The following SNRPA1 variants were observed in gnomAD, a reference collection of about 807,000 sequenced individuals.
SNRPA1 encodes the protein small nuclear ribonucleoprotein polypeptide A'.
In SNRPA1, 5 loss-of-function variants were observed where a neutral mutation model predicts 32.3. The observed-to-expected ratio is 0.15, with a 90% CI of 0.08 to 0.33. The LOEUF is 0.33. SNRPA1 is among the 10% of genes least tolerant of loss of function. SNRPA1 has a pLI of 1.00. For synonymous variants in SNRPA1, 111 were observed against 120.1 expected (o/e 0.92, Z 0.50); for missense variants, 198 against 311.1 (o/e 0.64, Z 2.74).
intron 3 of SNRPA1, among the ~76,000 whole-genome samples, chr15:101,289,425 G>C (rs1405432149): frequency 6.6e-6 from 1 of 152,094 alleles, no homozygotes; most frequent in African/African-American, 2.4e-5. Flanking sequence ...GATTGAAAGA[G>C]AGTAATTTCT....
In SNRPA1 at chr15:101,293,180, A is replaced by G. The variant is rs1236878647; in HGVS notation, c.83-8T>C. The G allele has an allele frequency of 1.3e-6, 2 of 1,592,120 alleles. No homozygotes were observed. Among genetic ancestry groups the G allele is most frequent in the East Asian group, 2.3e-5 (1 of 44,422 alleles). ...TGACGGGAATTTTATACCCTATAAA[A>G]TGGAGGAAAAAAACACAAGAGGTAT... On this transcript the variant is annotated splice_polypyrimidine_tract_variant and splice_region_variant and intron_variant, in intron 1 of 8. Transcript: ENST00000254193.
rs563113473 is a variant in SNRPA1, at chr15:101,293,799, C to T, written c.83-627G>A. Among the ~76,000 whole-genome samples the T allele has an allele frequency of 7.1e-4, 108 of 152,170 alleles. 2 individuals are homozygous for T. Among genetic ancestry groups the T allele is most frequent in the African/African-American group, 2.4e-3 (101 of 41,486 alleles). On this transcript the variant is annotated intron_variant, in intron 1 of 8. Coordinates refer to ENST00000254193, the MANE Select transcript of SNRPA1 (RefSeq NM_003090.4). ...AGGCACTATAAGAAAAGAAATATTC[C>T]GAAGAAGCAAGGTCTACTAAAAAAA...
intron 8 of SNRPA1, 52 bp from the exon 9 acceptor site, chr15:101,281,834 C>T: frequency 6.5e-7 from 1 of 1,537,362 alleles, no homozygotes; most frequent in Non-Finnish European, 9.0e-7. Context: ...GAATCCATTC[C>T]CTTAGCATGC....
chr15:101,282,895 C>T (rs2039412753), intron 8 of SNRPA1, among the ~76,000 whole-genome samples: 1 of 152,156 alleles, frequency 6.6e-6, no homozygotes, highest in Admixed American at 6.5e-5. Context: ...GTGACAGGCT[C>T]ACTTCATCAT....
At chr15:101,282,685 G>C (rs1216006654) in intron 8 of SNRPA1, among the ~76,000 whole-genome samples, 3 of 152,142 alleles carry the variant, frequency 2.0e-5, no homozygotes, top group African/African-American at 7.2e-5. Flanking sequence ...ACCGACTTTT[G>C]CAGATCTTCC....
chr15:101,293,451 T>C (rs569005494), intron 1 of SNRPA1: 14 of 232,950 alleles, frequency 6.0e-5, no homozygotes, highest in Non-Finnish European at 1.0e-4. Context: ...CTAACATTTA[T>C]AAGAACATTT....
At chr15:101,287,268 T>G (rs1229816396) in intron 4 of SNRPA1, among the ~76,000 whole-genome samples, 2 of 152,212 alleles carry the variant, frequency 1.3e-5, no homozygotes, top group East Asian at 3.8e-4. Flanking sequence ...ATGTGCCATG[T>G]TGGTGGGCTG....
intron 3 of SNRPA1, chr15:101,289,964 G>C (rs1181306911): frequency 7.4e-6 from 1 of 135,226 alleles, no homozygotes; most frequent in East Asian, 2.1e-4. Context: ...CAGTTTTTAA[G>C]AGAGAAATCT....
At chr15:101,283,393 TAAA>T (rs879422585) in intron 8 of SNRPA1, among the ~76,000 whole-genome samples, 30 of 137,786 alleles carry the variant, frequency 2.2e-4, no homozygotes, top group African/African-American at 7.9e-4. Context: ...CTGTCTCTAC[TAAA>T]AAAAAAAAAA....
chr15:101,293,953 G>A (rs1596473485), intron 1 of SNRPA1, among the ~76,000 whole-genome samples: 1 of 152,366 alleles, frequency 6.6e-6, no homozygotes, highest in East Asian at 1.9e-4. Flanking sequence ...GGTGAGTTGG[G>A]CCGGGCGCAG....
Position 101,295,109 on chromosome 15 carries a change from G to T in SNRPA1, c.70C>A (p.Leu24Met). The change falls in exon 1 of 9, where the codon CTG becomes ATG. Residue 24 changes from leucine (L) to methionine (M), a missense_variant. Leu to Met is a conservative substitution (Grantham distance 15, BLOSUM62 2). Around this residue, in one of 3 missense-constraint regions of SNRPA1, gnomAD observed 119 missense variants for 171.6 expected, o/e 0.69. Coordinates refer to ENST00000254193, the MANE Select transcript of SNRPA1 (RefSeq NM_003090.4). ...CCCCCGGACTCACCCCGGAGGTCCA[G>T]CTCCCGGTCGCGCACCGCGTTGGTG... is the stretch of plus-strand genomic sequence containing the variant. ...QYTNAVRDRELDLRGYKIPVI... is the reference protein window; with the variant it reads ...QYTNAVRDREMDLRGYKIPVI... The T allele has an allele frequency of 1.3e-6, 2 of 1,534,764 alleles. No individual in the cohort carries two copies. Among genetic ancestry groups the T allele is most frequent in the Non-Finnish European group, 1.7e-6 (2 of 1,144,184 alleles).
chr15:101,286,432 G>C, intron 5 of SNRPA1, 139 bp from the exon 6 acceptor site: 1 of 641,582 alleles, frequency 1.6e-6, no homozygotes, highest in Non-Finnish European at 2.6e-6. Context: ...TTCAAATTAA[G>C]AGAAGACACA....
intron 3 of SNRPA1, among the ~76,000 whole-genome samples, chr15:101,290,291 A>G (rs1244082025): frequency 6.6e-6 from 1 of 152,218 alleles, no homozygotes; most frequent in African/African-American, 2.4e-5. Flanking sequence ...TGATAAGCCC[A>G]GTAGTCTTCA....
intron 8 of SNRPA1, among the ~76,000 whole-genome samples, chr15:101,282,994 C>T (rs907656883): frequency 2.0e-5 from 3 of 150,856 alleles, no homozygotes; most frequent in Non-Finnish European, 2.9e-5. Context: ...CAGACATGTG[C>T]ACCCCCTTTC....
intron 1 of SNRPA1, among the ~76,000 whole-genome samples, chr15:101,293,924 G>A (rs920643850): frequency 1.3e-5 from 2 of 152,210 alleles, no homozygotes; most frequent in African/African-American, 2.4e-5. Flanking sequence ...AAAGAGAAAT[G>A]GCAGAGATCA....
chr15:101,292,186 C>T (rs2039533403), intron 2 of SNRPA1, 146 bp from the exon 3 acceptor site: 1 of 596,320 alleles, frequency 1.7e-6, no homozygotes, highest in Admixed American at 3.0e-5. Context: ...AAAAAGAACC[C>T]TTTTCTGAGG....
chr15:101,294,943 A>C, intron 1 of SNRPA1, 154 bp downstream of exon 1: 1 of 491,274 alleles, frequency 2.0e-6, no homozygotes, highest in Non-Finnish European at 3.6e-6. Flanking sequence ...CAACAACGGC[A>C]AGAATCAGGC....
At chr15:101,284,905 G>T in intron 8 of SNRPA1, 62 bp downstream of exon 8, 1 of 1,238,252 alleles carries the variant, frequency 8.1e-7, no homozygotes, top group Non-Finnish European at 1.2e-6. Flanking sequence ...CATCTAAATG[G>T]TTGTGAGTTA....
At chr15:101,286,007 T>C in intron 6 of SNRPA1, 1 of 630,862 alleles carries the variant, frequency 1.6e-6, no homozygotes, top group Non-Finnish European at 2.8e-6. Flanking sequence ...ACATGAAGAC[T>C]GACTACTGAA....
Sources: gnomAD v4.1 joint callset for allele counts (sites outside exome capture counted in the v4.1 genomes callset) on GRCh38, gnomAD v4.1.1 for gene constraint, gnomAD v4.1.1 regional missense constraint, MANE v1.5 for transcripts, NCBI Gene and HGNC (gene_info 2026-07-23, HGNC 2026-07-21) for gene names.